Variants in PTPRT observed in about 807,000 individuals in gnomAD.
The protein encoded by PTPRT is receptor-type tyrosine-protein phosphatase T.
A neutral mutation model predicts 176.8 loss-of-function variants in PTPRT; 56 were observed. That is an observed-to-expected ratio of 0.32 (90% CI 0.26 to 0.40). The LOEUF is 0.40. PTPRT is among the 10% of genes least tolerant of loss of function. The pLI is 1.00. For missense variants in PTPRT, 1,540 were observed against 1,908.2 expected (o/e 0.81, Z 3.60); for synonymous variants, 783 against 739.0 (o/e 1.06, Z -0.96).
chr20:42,183,464 T>A (rs1244861722), intron 16 of PTPRT, among the ~76,000 whole-genome samples: 2 of 152,180 alleles, frequency 1.3e-5, no homozygotes, highest in African/African-American at 4.8e-5. Flanking sequence ...CAAGGAATTG[T>A]ACAAGAGAGC....
At chr20:42,125,615 T>TATGG (rs1987816077) in intron 19 of PTPRT, among the ~76,000 whole-genome samples, 1 of 152,256 alleles carries the variant, frequency 6.6e-6, no homozygotes, top group East Asian at 1.9e-4. Context: ...CCTACAGCTC[T>TATGG]GGTTTCCTGT....
At chr20:43,066,926 G>C (rs750201206) in intron 1 of PTPRT, among the ~76,000 whole-genome samples, 4 of 152,210 alleles carry the variant, frequency 2.6e-5, no homozygotes, top group Non-Finnish European at 5.9e-5. Flanking sequence ...GATTAATTAT[G>C]ACAGAGACCC....
At chr20:42,321,972 C>T (rs900735005) in intron 11 of PTPRT, among the ~76,000 whole-genome samples, 16 of 152,042 alleles carry the variant, frequency 1.1e-4, no homozygotes, top group Non-Finnish European at 1.2e-4. Context: ...TCTTAGGAGG[C>T]GGAGGCAGGA....
chr20:42,571,602 G>C (rs762925550), intron 7 of PTPRT, among the ~76,000 whole-genome samples: 6 of 152,202 alleles, frequency 3.9e-5, no homozygotes, highest in Non-Finnish European at 7.4e-5. Flanking sequence ...TGTTCACGTA[G>C]TTCAGATTTC....
chr20:42,975,128 A>T (rs188191346), intron 1 of PTPRT, among the ~76,000 whole-genome samples: 5,320 of 152,320 alleles, frequency 0.035, 245 homozygotes, highest in African/African-American at 0.11. Flanking sequence ...CAAGAGATTA[A>T]AAAAAATCAG....
intron 14 of PTPRT, among the ~76,000 whole-genome samples, chr20:42,236,511 A>T (rs1352273744): frequency 6.6e-6 from 1 of 152,170 alleles, no homozygotes; most frequent in Non-Finnish European, 1.5e-5. Context: ...CACATAGAGT[A>T]AGCCATGTTT....
chr20:42,633,999 TTATA>T lies in PTPRT; in HGVS notation c.1153+43863_1153+43866del, dbSNP rs376545714. Among the ~76,000 whole-genome samples the T allele has an allele frequency of 3.0e-4, 8 of 26,858 alleles. 1 individual carries two copies. The highest frequency in any genetic ancestry group is 4.4e-4 in the Non-Finnish European group (8 of 18,110). The allele number at this position is 26,858 out of a possible 152,430, so 17.6% of individuals were successfully genotyped here. A position where few individuals can be genotyped will look rare whatever the true frequency, so the allele number is the denominator to read the frequency against. On this transcript the variant is annotated intron_variant, in intron 7 of 30. Transcript: ENST00000373187. ...TATATTATATATTATATTATATATA[TTATA>T]TATATATAATATATATATAATATAT...
chr20:42,981,856 G>C (rs1983298814), intron 1 of PTPRT, among the ~76,000 whole-genome samples: 1 of 152,148 alleles, frequency 6.6e-6, no homozygotes, highest in Non-Finnish European at 1.5e-5. Flanking sequence ...TTTTCTAATG[G>C]ATGGCTTTGG....
Position 42,078,772 on chromosome 20 carries a change from C to T in PTPRT, c.*2107G>A, listed in dbSNP as rs116997922. On this transcript the variant is annotated 3_prime_UTR_variant, in exon 31 of 31. Coordinates refer to ENST00000373187, the MANE Select transcript of PTPRT (RefSeq NM_007050.6). ...GCCTTTTCACATTTCTTTGCCATTG[C>T]ACATATGGATCCCTTTGCCTGAGTT... 5.7e-6 allele frequency: 1 copy of T among 176,288 alleles called. No individual in the cohort carries two copies. The highest frequency in any genetic ancestry group is 2.4e-5 in the African/African-American group (1 of 42,222). 10.9% of individuals were successfully genotyped at this position (176,288 alleles called of 1,614,324 possible). A position where few individuals can be genotyped will look rare whatever the true frequency, so the allele number is the denominator to read the frequency against.
chr20:42,529,237 G>T (rs1214405561), intron 7 of PTPRT, among the ~76,000 whole-genome samples: 2 of 152,120 alleles, frequency 1.3e-5, no homozygotes, highest in African/African-American at 2.4e-5. Context: ...TCAAAAAGAT[G>T]TTAGTTTAAA....
At chr20:42,816,486 G>A (rs1569172434) in intron 2 of PTPRT, among the ~76,000 whole-genome samples, 1 of 152,110 alleles carries the variant, frequency 6.6e-6, no homozygotes, top group Non-Finnish European at 1.5e-5. Flanking sequence ...ATCTCATCTT[G>A]AATTGCAATC....
chr20:42,230,108 G>C (rs1440126291), intron 15 of PTPRT, among the ~76,000 whole-genome samples: 1 of 152,152 alleles, frequency 6.6e-6, no homozygotes, highest in African/African-American at 2.4e-5. Context: ...AGAATCATGA[G>C]AGACTTCTTG....
At chr20:42,242,832 C>A (rs1349082364) in intron 14 of PTPRT, among the ~76,000 whole-genome samples, 1 of 152,030 alleles carries the variant, frequency 6.6e-6, no homozygotes, top group African/African-American at 2.4e-5. Flanking sequence ...TGAACCATGG[C>A]TATGGAGAAG....
At position 43,087,000 on chromosome 20, in the gene PTPRT, A is replaced by G. The variant is rs117765179; in HGVS notation, c.88+102646T>C. On this transcript the variant is annotated intron_variant, in intron 1 of 30. Transcript: ENST00000373187. ...CATATACAATTGTGTGGGCACCACC[A>G]TAATCAAGATATAAAATGTTCCCAT... Among the ~76,000 whole-genome samples, 834 of 152,370 alleles carry G rather than the reference A, an allele frequency of 5.5e-3. 19 individuals are homozygous for G. The South Asian group carries it at 0.068, about 12-fold the overall frequency.
intron 3 of PTPRT, among the ~76,000 whole-genome samples, chr20:42,782,646 A>G (rs771416734): frequency 1.1e-4 from 17 of 152,178 alleles, no homozygotes; most frequent in Non-Finnish European, 2.2e-4. Context: ...TTCCCATGTC[A>G]TACATCTCTG....
At chr20:43,088,942 G>A (rs1035767039) in intron 1 of PTPRT, among the ~76,000 whole-genome samples, 1 of 152,126 alleles carries the variant, frequency 6.6e-6, no homozygotes, top group African/African-American at 2.4e-5. Flanking sequence ...GGAGAGGGGA[G>A]CAATGGCTGG....
intron 1 of PTPRT, among the ~76,000 whole-genome samples, chr20:43,016,509 T>C (rs1379673149): frequency 3.3e-5 from 5 of 150,046 alleles, no homozygotes; most frequent in Non-Finnish European, 7.4e-5. Context: ...GGTTGCTGTC[T>C]CTGACTCTCT....
chr20:42,831,887 G>A (rs1486031297), intron 2 of PTPRT, among the ~76,000 whole-genome samples: 1 of 152,188 alleles, frequency 6.6e-6, no homozygotes, highest in Non-Finnish European at 1.5e-5. Flanking sequence ...ACAGATGCTG[G>A]CAAGGTTGCA....
intron 23 of PTPRT, among the ~76,000 whole-genome samples, chr20:42,110,046 T>C (rs925027191): frequency 1.4e-5 from 2 of 146,784 alleles, no homozygotes; most frequent in Admixed American, 7.0e-5. Flanking sequence ...TGGAGGACTT[T>C]TTCTTTTTTT....
Sources: allele counts gnomAD v4.1 joint callset (sites outside exome capture counted in the v4.1 genomes callset), GRCh38; gene constraint gnomAD v4.1.1; transcripts MANE v1.5; gene names NCBI Gene and HGNC (gene_info 2026-07-23, HGNC 2026-07-21).